Variants in MYH14 observed in about 807,000 individuals in gnomAD.
The protein encoded by MYH14 is myosin-14.
Under a neutral mutation model 255.5 loss-of-function variants are expected in MYH14, and 123 were observed. That is an observed-to-expected ratio of 0.48 (90% CI 0.42 to 0.56). MYH14 has a LOEUF of 0.56. MYH14 is among the 20% of genes least tolerant of loss of function. MYH14 has a pLI of 0.00. For missense variants in MYH14, 2,423 were observed against 2,802.3 expected (o/e 0.86, Z 3.06); for synonymous variants, 1,095 against 1,161.2 (o/e 0.94, Z 1.16).
chr19:50,215,691 T>C (rs2123176231), intron 2 of MYH14, among the ~76,000 whole-genome samples: 1 of 152,258 alleles, frequency 6.6e-6, no homozygotes, highest in South Asian at 2.1e-4. Flanking sequence ...TGGTGGTGCA[T>C]ACCTGTGGTC....
chr19:50,284,517 G>A, intron 33 of MYH14, among the ~76,000 whole-genome samples: 1 of 151,858 alleles, frequency 6.6e-6, no homozygotes, highest in East Asian at 1.9e-4. Flanking sequence ...ACAGGCACAT[G>A]CCGCCACACC....
intron 18 of MYH14, chr19:50,258,741 A>AAAAAAC (rs761216499): frequency 1.7e-4 from 25 of 145,622 alleles, no homozygotes; most frequent in Middle Eastern, 3.5e-3. Context: ...AAAAAAAAAA[A>AAAAAAC]AAACGAACAA....
rs756641407 is a variant in MYH14, at chr19:50,217,659, G to A, written c.450G>A (p.Gln150=). 1 of 1,613,806 alleles carries A rather than the reference G, an allele frequency of 6.2e-7. No homozygotes were observed. The highest frequency in any genetic ancestry group is 1.1e-5 in the South Asian group (1 of 91,066). ...LFCVVINPYK[Q]LPIYTEAIVE... ...GTGTGGTCATCAACCCGTACAAGCA[G>A]CTTCCCATCTACACAGAAGCCATTG... The change falls in exon 3 of 43, where the codon CAG becomes CAA. Residue 150 remains glutamine, a synonymous_variant. Coordinates refer to ENST00000642316, the MANE Select transcript of MYH14 (RefSeq NM_001145809.2).
In MYH14 at chr19:50,223,076, C is replaced by T. The variant is rs1452940420; in HGVS notation, c.563-7C>T. 6.2e-7 allele frequency: 1 copy of T among 1,613,228 alleles called. No homozygotes were observed. The highest frequency in any genetic ancestry group is 8.5e-7 in the Non-Finnish European group (1 of 1,179,308). On this transcript the variant is annotated splice_polypyrimidine_tract_variant and splice_region_variant and intron_variant, in intron 3 of 42. Coordinates refer to ENST00000642316, the MANE Select transcript of MYH14 (RefSeq NM_001145809.2). ...GATGACATATTCCCCCACTCTGTCC[C>T]CTACAGATCGTGAGGACCAGTCCAT...
At chr19:50,227,470 T>C (rs1475006632) in intron 8 of MYH14, among the ~76,000 whole-genome samples, 1 of 151,852 alleles carries the variant, frequency 6.6e-6, no homozygotes, top group Non-Finnish European at 1.5e-5. Flanking sequence ...TCCCCCGCCC[T>C]TAGTATGAAC....
intron 40 of MYH14, 41 bp from the exon 41 acceptor site, chr19:50,307,008 T>C (rs2036674093): frequency 7.0e-7 from 1 of 1,421,910 alleles, no homozygotes. Flanking sequence ...AATCCTAGGT[T>C]GAGCCCCTCT....
At position 50,290,901 on chromosome 19, in the gene MYH14, G is replaced by A; in HGVS notation, c.4980G>A (p.Glu1660=). Residue 1660 remains glutamate (E), a synonymous_variant, in exon 36 of 43, where the codon GAG becomes GAA. Coordinates refer to ENST00000642316, the MANE Select transcript of MYH14 (RefSeq NM_001145809.2). ...CTCCTCTCCAGCTGAGAGATGCAGA[G>A]GTGGAGCGGGATGAGGAGCGGAAGC... ...RQLAKQLRDA[E]VERDEERKQR... 1.9e-6 allele frequency: 3 copies of A among 1,563,694 alleles called. No individual in the cohort carries two copies. The highest frequency in any genetic ancestry group is 2.6e-6 in the Non-Finnish European group (3 of 1,154,762).
chr19:50,267,844 T>A (rs1212027693), intron 23 of MYH14, among the ~76,000 whole-genome samples: 1 of 150,232 alleles, frequency 6.7e-6, no homozygotes, highest in Non-Finnish European at 1.5e-5. Context: ...GAGAGACAGG[T>A]GAGAGAAGGA....
Position 50,253,877 on chromosome 19 carries a change from A to T in MYH14, c.1945+1124A>T, listed in dbSNP as rs556359208. 1.4e-4 allele frequency among the ~76,000 whole-genome samples: 21 copies of T among 152,300 alleles called. No individual in the cohort carries two copies. In the South Asian group the frequency reaches 3.1e-3, roughly 23 times the overall value. The stretch of plus-strand genomic sequence containing the variant: ...CAGTTTGCCTTAATCTTTTATTGAC[A>T]TGAAAAGGTAGCTGTAGAAATACCA... On this transcript the variant is annotated intron_variant, in intron 16 of 42. Transcript: ENST00000642316.
chr19:50,269,699 C>T (rs577756320), intron 24 of MYH14, among the ~76,000 whole-genome samples: 1 of 152,256 alleles, frequency 6.6e-6, no homozygotes, highest in East Asian at 1.9e-4. Context: ...GTGGAGGTGA[C>T]CCCTGGGTGC....
rs2033296960 is a variant in MYH14 at position 50,230,017 on chromosome 19, C to T, written c.875-508C>T. 1.3e-5 allele frequency among the ~76,000 whole-genome samples: 2 copies of T among 152,170 alleles called. No individual in the cohort carries two copies. The highest frequency in any genetic ancestry group is 6.5e-5 in the Admixed American group (1 of 15,270). On this transcript the variant is annotated intron_variant, in intron 8 of 42. Transcript: ENST00000642316. The surrounding 1 kb of genome is among the most constrained non-coding windows in gnomAD (Gnocchi z 4.7). ...GCAACCTCCTCCTCCCGGGTTCAAG[C>T]GATTCTCCTGCCTCAGCCTCCCAAG...
At chr19:50,211,578 G>T (rs2123160253) in intron 2 of MYH14, among the ~76,000 whole-genome samples, 1 of 152,156 alleles carries the variant, frequency 6.6e-6, no homozygotes, top group South Asian at 2.1e-4. Flanking sequence ...TAAAGCATCT[G>T]ATCCTCATTT....
chr19:50,261,534 CCGGGCTGGGGT>C lies in MYH14; in HGVS notation c.2486_2496del (p.Arg829ProfsTer78). The C allele has an allele frequency of 6.3e-7, 1 of 1,588,024 alleles. No individual in the cohort carries two copies. Among genetic ancestry groups the C allele is most frequent in the African/African-American group, 1.4e-5 (1 of 69,796 alleles). On this transcript the variant is annotated frameshift_variant, in exon 21 of 43. Transcript: ENST00000642316. LOFTEE classifies it high-confidence loss of function. ...GCGTGGGACAGAGCAAGATCTTCTTCCGGGCTGGGGTCCTGGCCCAGCTGGAAGAGGAGCGA... is the reference window on the plus strand; with the variant it reads ...GCGTGGGACAGAGCAAGATCTTCTTCCCTGGCCCAGCTGGAAGAGGAGCGA...
rs964299298 is a variant in MYH14, at chr19:50,250,225, C to T, written c.1657-290C>T. Among the ~76,000 whole-genome samples, 4 of 135,562 alleles carry T rather than the reference C, an allele frequency of 3.0e-5. No homozygotes were observed. Among genetic ancestry groups the T allele is most frequent in the East Asian group, 1.9e-4 (1 of 5,156 alleles). 88.9% of individuals were successfully genotyped at this position (135,562 alleles called of 152,430 possible). A position where few individuals can be genotyped will look rare whatever the true frequency, so the allele number is the denominator to read the frequency against. On this transcript the variant is annotated intron_variant, in intron 14 of 42. Transcript: ENST00000642316. This position sits in a 1 kb window ranked among gnomAD's most constrained non-coding sequence, Gnocchi z 5.4. ...ACGCCATTCTCCTGCCTCAGCCTCC[C>T]GAGTAGCTGGGACTACAGGTGCCCG...
intron 33 of MYH14, among the ~76,000 whole-genome samples, chr19:50,282,060 C>T (rs2035744044): frequency 6.6e-6 from 1 of 152,278 alleles, no homozygotes; most frequent in East Asian, 1.9e-4. Context: ...TCGTAGCACC[C>T]ACTTTTACTT....
At chr19:50,207,833 T>A (rs1245516030) in intron 1 of MYH14, among the ~76,000 whole-genome samples, 1 of 152,068 alleles carries the variant, frequency 6.6e-6, no homozygotes, top group African/African-American at 2.4e-5. Context: ...CTCTCTTACA[T>A]CCCCTCCCAC....
Position 50,266,957 on chromosome 19 carries a change from A to G in MYH14, c.2775A>G (p.Leu925=), listed in dbSNP as rs557819520. ...RAQELQKVQE[L]QQQSAREVGE... ...AGGAGCTGCAGAAAGTGCAGGAGCTACAGCAGCAGAGCGCCCGCGAAGTTG... is the reference window on the plus strand; with the variant it reads ...AGGAGCTGCAGAAAGTGCAGGAGCTGCAGCAGCAGAGCGCCCGCGAAGTTG... The change falls in exon 23 of 43, where the codon CTA becomes CTG. Residue 925 remains leucine (L), a synonymous_variant. Coordinates refer to ENST00000642316, the MANE Select transcript of MYH14 (RefSeq NM_001145809.2). This position sits in a 1 kb window ranked among gnomAD's most constrained non-coding sequence, Gnocchi z 4.1. 7.0e-6 allele frequency: 11 copies of G among 1,564,602 alleles called. No individual in the cohort carries two copies. In the East Asian group the frequency reaches 2.6e-4, roughly 37 times the overall value.
chr19:50,291,324 G>C (rs1298781452), intron 36 of MYH14, among the ~76,000 whole-genome samples: 2 of 147,134 alleles, frequency 1.4e-5, no homozygotes, highest in Non-Finnish European at 3.0e-5. Context: ...TTTTTTTTGA[G>C]ACAGTCTCAT....
At chr19:50,273,601 G>GGTGTGT (rs56095197) in intron 27 of MYH14, among the ~76,000 whole-genome samples, 33 of 137,576 alleles carry the variant, frequency 2.4e-4, no homozygotes, top group African/African-American at 7.5e-4. Flanking sequence ...GAACATGGGG[G>GGTGTGT]GTGTGTGTGT....
Sources: allele counts gnomAD v4.1 joint callset (sites outside exome capture counted in the v4.1 genomes callset), GRCh38; gene constraint gnomAD v4.1.1; non-coding constraint Gnocchi (gnomAD v3.1); transcripts MANE v1.5; gene names NCBI Gene and HGNC (gene_info 2026-07-23, HGNC 2026-07-21).